The following KAT6A variants were observed in gnomAD, a reference collection of about 807,000 sequenced individuals.
KAT6A encodes histone acetyltransferase KAT6A.
In KAT6A, 9 loss-of-function variants were observed where a neutral mutation model predicts 198.4. The ratio of observed to expected loss-of-function variants is 0.05; its 90% CI spans 0.03 to 0.08. KAT6A has a LOEUF of 0.08. Among genes scored for constraint, KAT6A ranks in the 10% least tolerant of loss-of-function variants. The probability of loss-of-function intolerance (pLI) is 1.00; values close to 1 mark genes in which losing one functional copy is unlikely to be tolerated. For missense variants in KAT6A, 2,077 were observed against 2,509.9 expected (o/e 0.83, Z 3.69); for synonymous variants, 890 against 883.0 (o/e 1.01, Z -0.14).
At chr8:41,946,021 CTCTG>C (rs972116317) in intron 12 of KAT6A, among the ~76,000 whole-genome samples, 8 of 147,450 alleles carry the variant, frequency 5.4e-5, no homozygotes, top group African/African-American at 1.8e-4. Context: ...CAGAGCGAGA[CTCTG>C]TCTCTCAAAA....
At chr8:41,968,864 C>T (rs1242107302) in intron 8 of KAT6A, among the ~76,000 whole-genome samples, 1 of 152,066 alleles carries the variant, frequency 6.6e-6, no homozygotes, top group African/African-American at 2.4e-5. Flanking sequence ...GAACACAGTA[C>T]TAGGCAAACT....
chr8:41,940,534 A>T lies in KAT6A; in HGVS notation c.3039+308T>A, dbSNP rs1489976903. Among the ~76,000 whole-genome samples the T allele has an allele frequency of 5.9e-5, 9 of 152,294 alleles. No homozygotes were observed. The East Asian group carries it at 1.7e-3, about 29-fold the overall frequency. On this transcript the variant is annotated intron_variant, in intron 15 of 16. Coordinates refer to ENST00000265713, the MANE Select transcript of KAT6A (RefSeq NM_006766.5). ...AGATATTTTAGGGCTTTAAGCCCCT[A>T]AAAGTCATGATTTGAACATCAAACC...
At chr8:41,937,220 C>T (rs894996797) in intron 16 of KAT6A, 36 bp downstream of exon 16, 2 of 1,540,892 alleles carry the variant, frequency 1.3e-6, no homozygotes, top group South Asian at 1.2e-5. Flanking sequence ...TATCTGAAGA[C>T]AATAAACCAC....
At chr8:42,013,043 G>C (rs1246998280) in intron 2 of KAT6A, among the ~76,000 whole-genome samples, 1 of 151,668 alleles carries the variant, frequency 6.6e-6, no homozygotes, top group African/African-American at 2.4e-5. Context: ...GCCAGGGTTG[G>C]GGGAGGGTGA....
chr8:41,971,943 G>A (rs1192645840), intron 8 of KAT6A, among the ~76,000 whole-genome samples: 1 of 152,016 alleles, frequency 6.6e-6, no homozygotes, highest in East Asian at 1.9e-4. Context: ...AGCAAGTACA[G>A]GATAGAGCTA....
At chr8:41,980,779 G>T (rs565484548) in intron 5 of KAT6A, 67 bp downstream of exon 5, 8 of 1,056,242 alleles carry the variant, frequency 7.6e-6, no homozygotes, top group Non-Finnish European at 1.0e-5. Context: ...TAACAAAGTA[G>T]ATAAAATGTG....
In KAT6A at chr8:42,045,260, T is replaced by C. The variant is rs1249536478; in HGVS notation, c.600+3118A>G. Among the ~76,000 whole-genome samples, 9 of 152,314 alleles carry C rather than the reference T, an allele frequency of 5.9e-5. No individual in the cohort carries two copies. The East Asian group carries it at 1.2e-3, about 20-fold the overall frequency. The stretch of plus-strand genomic sequence containing the variant: ...ACTCTATTTTCCAACATGTCTAAAT[T>C]TAGTTACTTCAGTTAACACTATAGG... On this transcript the variant is annotated intron_variant, in intron 2 of 16. Transcript: ENST00000265713.
At chr8:41,975,985 CAG>C (rs1824031607) in intron 7 of KAT6A, among the ~76,000 whole-genome samples, 1 of 152,202 alleles carries the variant, frequency 6.6e-6, no homozygotes, top group Non-Finnish European at 1.5e-5. Context: ...AACTTATCTA[CAG>C]GTTGATAAAG....
At chr8:42,033,529 C>A (rs1827231099) in intron 2 of KAT6A, among the ~76,000 whole-genome samples, 1 of 152,120 alleles carries the variant, frequency 6.6e-6, no homozygotes, top group African/African-American at 2.4e-5. Context: ...TGCTTCTAGG[C>A]CTTTGTACAT....
intron 15 of KAT6A, among the ~76,000 whole-genome samples, chr8:41,939,145 G>T (rs1334261750): frequency 6.6e-6 from 1 of 152,052 alleles, no homozygotes; most frequent in African/African-American, 2.4e-5. Flanking sequence ...TAAATAAACA[G>T]ATGAGGGAGA....
At position 41,934,396 on chromosome 8, in the gene KAT6A, T is replaced by G. The variant is rs753668607; in HGVS notation, c.3824A>C (p.Glu1275Ala). Residue 1275 changes from glutamate (E) to alanine (A), a missense_variant, in exon 17 of 17, where the codon GAG becomes GCG. By Grantham distance (107) the Glu-to-Ala change is moderately radical. Around this residue, in one of 13 missense-constraint regions of KAT6A, gnomAD observed 375 missense variants for 383.0 expected, o/e 0.98. Transcript: ENST00000265713. ...CTGCTCCTCTGAGACACGGGGCTTC[T>G]CTTCTTCCTCCTCCACCTCAGGCTC... ...TKEPEVEEEE[E>A]KPRVSEEQRQ... 111 of 1,613,392 alleles carry G rather than the reference T, an allele frequency of 6.9e-5. No homozygotes were observed. The highest frequency in any genetic ancestry group is 9.2e-5 in the Non-Finnish European group (108 of 1,179,726).
chr8:41,983,866 T>C (rs1824477152), intron 3 of KAT6A, among the ~76,000 whole-genome samples: 1 of 152,286 alleles, frequency 6.6e-6, no homozygotes, highest in Non-Finnish European at 1.5e-5. Flanking sequence ...TGTGTTCCTA[T>C]TACTACTTGA....
chr8:41,999,107 G>T (rs1296794290), intron 2 of KAT6A, among the ~76,000 whole-genome samples: 3 of 152,038 alleles, frequency 2.0e-5, no homozygotes, highest in East Asian at 3.8e-4. Flanking sequence ...CTTTTACTAT[G>T]TATGTAGATT....
chr8:41,932,630 G>C lies in KAT6A; in HGVS notation c.5590C>G (p.Leu1864Val). Residue 1864 changes from leucine (L) to valine (V), a missense_variant, in exon 17 of 17, where the codon CTG becomes GTG. Leu to Val is a conservative substitution (Grantham distance 32, BLOSUM62 1). This residue lies in a region of KAT6A where 500 missense variants were observed against 577.2 expected (regional missense o/e 0.87). Coordinates refer to ENST00000265713, the MANE Select transcript of KAT6A (RefSeq NM_006766.5). Reference protein sequence around the residue: ...HISIRSKSAPLPSAAAHQQQL... With the variant: ...HISIRSKSAPVPSAAAHQQQL... ...TGCTGGTGAGCAGCCGCAGAGGGCA[G>C]TGGCGCAGACTTGGAGCGGATGGAA... The C allele has an allele frequency of 1.2e-6, 2 of 1,614,168 alleles. No homozygotes were observed. Among genetic ancestry groups the C allele is most frequent in the Non-Finnish European group, 1.7e-6 (2 of 1,179,964 alleles).
At chr8:41,943,662 C>T (rs1822250602) in intron 13 of KAT6A, 86 bp downstream of exon 13, 1 of 792,500 alleles carries the variant, frequency 1.3e-6, no homozygotes, top group Non-Finnish European at 2.1e-6. Flanking sequence ...TTAGTTAATG[C>T]CCTTTCATCA....
intron 8 of KAT6A, among the ~76,000 whole-genome samples, chr8:41,972,425 T>C (rs1587764499): frequency 6.6e-6 from 1 of 152,256 alleles, no homozygotes; most frequent in East Asian, 1.9e-4. Flanking sequence ...TAGAAAGCAA[T>C]GTTAGAGAAG....
Position 41,981,828 on chromosome 8 carries a change from G to C in KAT6A, c.825+11C>G. The C allele has an allele frequency of 6.5e-7, 1 of 1,541,144 alleles. No individual in the cohort carries two copies. Among genetic ancestry groups the C allele is most frequent in the Non-Finnish European group, 9.0e-7 (1 of 1,113,786 alleles). ...AATGAAACACCCATATTAGAAGGCA[G>C]AGATACTCACCGCATTTTTGCCTTG... On this transcript the variant is annotated intron_variant, in intron 4 of 16. Coordinates refer to ENST00000265713, the MANE Select transcript of KAT6A (RefSeq NM_006766.5).
chr8:41,991,401 T>A (rs1458691011), intron 2 of KAT6A, among the ~76,000 whole-genome samples: 1 of 152,216 alleles, frequency 6.6e-6, no homozygotes, highest in Non-Finnish European at 1.5e-5. Flanking sequence ...TACATTTTTT[T>A]AATGTAATGT....
chr8:42,045,615 T>C (rs1459876707), intron 2 of KAT6A, among the ~76,000 whole-genome samples: 1 of 148,516 alleles, frequency 6.7e-6, no homozygotes, highest in Non-Finnish European at 1.5e-5. Context: ...TGTAAGCAAA[T>C]GGGCATTTCT....
Sources: gnomAD v4.1 joint callset for allele counts (sites outside exome capture counted in the v4.1 genomes callset) on GRCh38, gnomAD v4.1.1 for gene constraint, gnomAD v4.1.1 regional missense constraint, MANE v1.5 for transcripts, NCBI Gene and HGNC (gene_info 2026-07-23, HGNC 2026-07-21) for gene names.